Variants in PCM1 observed in about 807,000 individuals in gnomAD.
PCM1 encodes pericentriolar material 1 protein.
In PCM1, 157 loss-of-function variants were observed where a neutral mutation model predicts 241.9. The ratio of observed to expected loss-of-function variants is 0.65; its 90% CI spans 0.57 to 0.74. The LOEUF (loss-of-function observed/expected upper bound fraction) is 0.74. PCM1 is among the 30% of genes least tolerant of loss of function. PCM1 has a pLI of 0.00. For missense variants in PCM1, 3,478 were observed against 2,360.1 expected, an observed-to-expected ratio of 1.47 and a Z score of -9.81; for synonymous variants, 1,085 against 784.9, an observed-to-expected ratio of 1.38 and a Z score of -6.39.
intron 2 of PCM1, chr8:17,927,658 C>G (rs1335159031): frequency 1.3e-5 from 2 of 152,150 alleles, no homozygotes; most frequent in Non-Finnish European, 2.9e-5. Flanking sequence ...TCAAGTGATT[C>G]TCCTGCCTCA....
rs771028938 is a variant in PCM1 at position 17,967,043 on chromosome 8, C to G, written c.3285C>G (p.Gly1095=). 6 of 1,609,466 alleles carry G rather than the reference C, an allele frequency of 3.7e-6. No individual in the cohort carries two copies. The highest frequency in any genetic ancestry group is 5.1e-6 in the Non-Finnish European group (6 of 1,177,758). ...QQNQHPEKPG[G]KERGSSASHP... ...ATCAGCATCCAGAAAAACCTGGAGG[C>G]AAGGAAAGAGGCAGTAGTGCATCGC... is the stretch of plus-strand genomic sequence containing the variant. The change falls in exon 21 of 39, where the codon GGC becomes GGG. Residue 1095 remains glycine, a synonymous_variant. Transcript: ENST00000325083.
intron 1 of PCM1, among the ~76,000 whole-genome samples, chr8:17,924,007 G>GTT (rs5889752): frequency 6.7e-6 from 1 of 149,150 alleles, no homozygotes; most frequent in Non-Finnish European, 1.5e-5. Flanking sequence ...GTTTTGTTTT[G>GTT]TTTTTTTGAG....
chr8:17,970,667 C>T (rs781679809), intron 22 of PCM1, among the ~76,000 whole-genome samples: 3 of 152,112 alleles, frequency 2.0e-5, no homozygotes, highest in Non-Finnish European at 2.9e-5. Context: ...ATATCCATCA[C>T]GAGCAGTAAA....
At chr8:18,020,965 C>T (rs1041404891) in intron 36 of PCM1, among the ~76,000 whole-genome samples, 5 of 152,094 alleles carry the variant, frequency 3.3e-5, no homozygotes, top group African/African-American at 4.8e-5. Context: ...TGCTCATGCT[C>T]GTAGGACTGA....
chr8:18,016,739 C>G (rs2093253271), intron 36 of PCM1, among the ~76,000 whole-genome samples: 2 of 152,258 alleles, frequency 1.3e-5, no homozygotes, highest in Middle Eastern at 3.4e-3. Flanking sequence ...ATTCTGAGTC[C>G]ACTAACCCAT....
At position 17,947,218 on chromosome 8, in the gene PCM1, G is replaced by C; in HGVS notation, c.816G>C (p.Glu272Asp). The change falls in exon 7 of 39, where the codon GAG becomes GAC. Residue 272 changes from glutamate (E) to aspartate (D), a missense_variant. Glu to Asp is a conservative substitution (Grantham distance 45). Transcript: ENST00000325083. ...ARDPQQEPME[E>D]IENLKKQHDL... is the part of the protein sequence containing the mutation. ...ATCCTCAGCAGGAGCCTATGGAAGAGATAGAAAATTTGAAGAAACAACATG... is the reference window on the plus strand; with the variant it reads ...ATCCTCAGCAGGAGCCTATGGAAGACATAGAAAATTTGAAGAAACAACATG... 6.2e-7 allele frequency: 1 copy of C among 1,610,106 alleles called. No individual in the cohort carries two copies. The highest frequency in any genetic ancestry group is 8.5e-7 in the Non-Finnish European group (1 of 1,177,116).
chr8:17,974,478 G>A (rs2077956097), intron 23 of PCM1, among the ~76,000 whole-genome samples: 1 of 152,138 alleles, frequency 6.6e-6, no homozygotes. Context: ...ACAGTTTTAA[G>A]TGCAGATTCT....
At chr8:18,000,415 G>A (rs1315441067) in intron 29 of PCM1, among the ~76,000 whole-genome samples, 1 of 152,168 alleles carries the variant, frequency 6.6e-6, no homozygotes, top group Non-Finnish European at 1.5e-5. Flanking sequence ...AGGGGGTCAG[G>A]AGTGCAGTGA....
intron 24 of PCM1, among the ~76,000 whole-genome samples, chr8:17,981,908 A>G (rs990670191): frequency 1.6e-4 from 8 of 48,660 alleles, no homozygotes; most frequent in Non-Finnish European, 5.0e-4. Flanking sequence ...AAAAGGGGAA[A>G]AAAAAAAAAG....
chr8:17,981,866 ATTGTAC>A (rs2080948995), intron 24 of PCM1, among the ~76,000 whole-genome samples: 2 of 151,592 alleles, frequency 1.3e-5, no homozygotes, highest in African/African-American at 2.4e-5. Flanking sequence ...TAATCCAGTA[ATTGTAC>A]TTGTAGTAAT....
Position 17,939,908 on chromosome 8 carries a change from A to G in PCM1, c.783+47A>G, listed in dbSNP as rs113010506. ...TAACATATTATTTTTGTAGTATCTC[A>G]GTGTGTATTTACTGATGACATTCTG... On this transcript the variant is annotated intron_variant, in intron 6 of 38. Coordinates refer to ENST00000325083, the MANE Select transcript of PCM1 (RefSeq NM_006197.4). 336 of 1,215,726 alleles carry G rather than the reference A, an allele frequency of 2.8e-4. 3 individuals carry two copies. In the African/African-American group the frequency reaches 4.1e-3, roughly 15 times the overall value. 75.3% of individuals were successfully genotyped at this position (1,215,726 alleles called of 1,614,324 possible). A position where few individuals can be genotyped will look rare whatever the true frequency, so the allele number is the denominator to read the frequency against.
chr8:17,959,294 A>G (rs2070444064), intron 13 of PCM1, among the ~76,000 whole-genome samples: 1 of 148,598 alleles, frequency 6.7e-6, no homozygotes, highest in Admixed American at 6.8e-5. Flanking sequence ...CACAAATATG[A>G]TAATTATAAA....
rs747857695 is a variant in PCM1, at chr8:17,957,398, C to T, written c.1781C>T (p.Ala594Val). ...AACAGATCTGCTGCCAACATAAGGG[C>T]TCTAAACATGCCTCCTTCTTTAGGT... ...INNRSAANIR[A>V]LNMPPSLDCR... is the part of the protein sequence containing the mutation. The change falls in exon 12 of 39, where the codon GCT becomes GTT. Residue 594 changes from alanine to valine, a missense_variant. By Grantham distance (64) the Ala-to-Val change is moderately conservative (BLOSUM62 0). Coordinates refer to ENST00000325083, the MANE Select transcript of PCM1 (RefSeq NM_006197.4). 1.9e-6 allele frequency: 3 copies of T among 1,612,300 alleles called. No homozygotes were observed. Among genetic ancestry groups the T allele is most frequent in the Non-Finnish European group, 2.5e-6 (3 of 1,178,824 alleles).
intron 16 of PCM1, among the ~76,000 whole-genome samples, chr8:17,962,799 A>G (rs578244302): frequency 3.2e-4 from 49 of 151,926 alleles, no homozygotes; most frequent in African/African-American, 1.2e-3. Context: ...GCTACTCAGG[A>G]GGCTGAGGCA....
At chr8:18,003,670 A>T (rs1157134419) in intron 29 of PCM1, among the ~76,000 whole-genome samples, 1 of 152,172 alleles carries the variant, frequency 6.6e-6, no homozygotes, top group Non-Finnish European at 1.5e-5. Context: ...AGCACTTAAG[A>T]TACTGGATAA....
chr8:17,972,355 T>A lies in PCM1; in HGVS notation c.3611T>A (p.Val1204Glu). 3 of 1,521,968 alleles carry A rather than the reference T, an allele frequency of 2.0e-6. No individual in the cohort carries two copies. Among genetic ancestry groups the A allele is most frequent in the Non-Finnish European group, 2.6e-6 (3 of 1,134,888 alleles). 94.3% of individuals were successfully genotyped at this position (1,521,968 alleles called of 1,614,324 possible). ...PRNKKLPEEE[V>E]ESSRTPWLYE... ...AATAAAAAACTGCCTGAAGAGGAGG[T>A]GGAAAGCAGTAGGACACCATGGTTA... Residue 1204 changes from valine to glutamate, a missense_variant, in exon 23 of 39, where the codon GTG becomes GAG. Val to Glu is a moderately radical substitution (Grantham distance 121, BLOSUM62 -2). Transcript: ENST00000325083.
Position 18,027,848 on chromosome 8 carries a change from C to T in PCM1, c.*186C>T. The T allele has an allele frequency of 2.4e-6, 1 of 409,096 alleles. No individual in the cohort carries two copies. Among genetic ancestry groups the T allele is most frequent in the Non-Finnish European group, 4.3e-6 (1 of 230,588 alleles). 25.3% of individuals were successfully genotyped at this position (409,096 alleles called of 1,614,324 possible). A position where few individuals can be genotyped will look rare whatever the true frequency, so the allele number is the denominator to read the frequency against. On this transcript the variant is annotated 3_prime_UTR_variant, in exon 39 of 39. Coordinates refer to ENST00000325083, the MANE Select transcript of PCM1 (RefSeq NM_006197.4). ...AAACTGAATTCTGGACAGATTTAAG[C>T]CTTGACACACTGTGTTTTTTTTTTT...
chr8:17,959,659 T>C (rs1354753922), intron 13 of PCM1, among the ~76,000 whole-genome samples: 1 of 152,210 alleles, frequency 6.6e-6, no homozygotes, highest in African/African-American at 2.4e-5. Flanking sequence ...TTCATATTTT[T>C]CTATATGTAT....
Position 18,027,897 on chromosome 8 carries a change from C to G in PCM1, c.*235C>G, listed in dbSNP as rs10283. ...TTTTCCCCCTTCTTTTTTGGGTCTT[C>G]ATTTTTTTCCCCATTGTGATGTTTG... On this transcript the variant is annotated 3_prime_UTR_variant, in exon 39 of 39. Transcript: ENST00000325083. 292,522 of 378,490 alleles carry G rather than the reference C, an allele frequency of 0.77. 114,146 individuals are homozygous for G. Among genetic ancestry groups the G allele is most frequent in the African/African-American group, 0.85 (40,433 of 47,746 alleles). The allele number at this position is 378,490 out of a possible 1,614,324, so 23.4% of individuals were successfully genotyped here. A position where few individuals can be genotyped will look rare whatever the true frequency, so the allele number is the denominator to read the frequency against.
Sources: allele counts gnomAD v4.1 joint callset (sites outside exome capture counted in the v4.1 genomes callset), GRCh38; gene constraint gnomAD v4.1.1; transcripts MANE v1.5; gene names NCBI Gene and HGNC (gene_info 2026-07-23, HGNC 2026-07-21).